Variants in SAMD3 observed in about 807,000 individuals in gnomAD.
SAMD3 encodes the protein sterile alpha motif domain-containing protein 3.
Under a neutral mutation model 58.5 loss-of-function variants are expected in SAMD3, and 63 were observed. That is an observed-to-expected ratio of 1.08 (90% confidence interval 0.88 to 1.33). The LOEUF (loss-of-function observed/expected upper bound fraction) is 1.33. SAMD3 is among the 40% of genes most tolerant of loss of function. The pLI is 0.00. For synonymous variants in SAMD3, 220 were observed against 210.3 expected (o/e 1.05, Z -0.40); for missense variants, 604 against 608.4 (o/e 0.99, Z 0.08).
rs539497113 is a variant in SAMD3 at position 130,157,318 on chromosome 6, A to G, written c.823-2293T>C. On this transcript the variant is annotated intron_variant, in intron 8 of 11. Coordinates refer to ENST00000439090, the MANE Select transcript of SAMD3 (RefSeq NM_001017373.4). ...AGAAATTTTCAAAACCTATAAAGTT[A>G]TATACCAAAAACCTAGAGCTAACAT... is the stretch of plus-strand genomic sequence containing the variant. Among the ~76,000 whole-genome samples, 300 of 147,712 alleles carry G rather than the reference A, an allele frequency of 2.0e-3. 2 individuals are homozygous for G. The highest frequency in any genetic ancestry group is 7.2e-3 in the African/African-American group (287 of 40,104).
At chr6:130,333,908 G>A (rs1562527258) in intron 1 of SAMD3, among the ~76,000 whole-genome samples, 1 of 152,170 alleles carries the variant, frequency 6.6e-6, no homozygotes, top group African/African-American at 2.4e-5. Flanking sequence ...CAGTTTCTCT[G>A]GACTCAGAGG....
intron 1 of SAMD3, among the ~76,000 whole-genome samples, chr6:130,350,890 G>A (rs915598665): frequency 2.0e-5 from 3 of 152,064 alleles, no homozygotes; most frequent in Non-Finnish European, 2.9e-5. Context: ...ATAGACCAAT[G>A]GAACAGAACA....
At position 130,162,289 on chromosome 6, in the gene SAMD3, AAGG is replaced by A; in HGVS notation, c.823-7267_823-7265del. The stretch of plus-strand genomic sequence containing the variant: ...TTAAGCTGACAGCTGGAGCAGAAAT[AAGG>A]AGGAGAATATTTCTAAGTTTGATTT... On this transcript the variant is annotated intron_variant, in intron 8 of 11. Transcript: ENST00000439090. The A allele has an allele frequency of 4.3e-6, 3 of 701,684 alleles. 1 individual carries two copies. The South Asian group carries it at 4.4e-5, about 10-fold the overall frequency. 43.5% of individuals were successfully genotyped at this position (701,684 alleles called of 1,614,324 possible). A position where few individuals can be genotyped will look rare whatever the true frequency, so the allele number is the denominator to read the frequency against.
At chr6:130,357,905 T>C (rs951504003) in intron 1 of SAMD3, among the ~76,000 whole-genome samples, 1 of 152,210 alleles carries the variant, frequency 6.6e-6, no homozygotes, top group African/African-American at 2.4e-5. Flanking sequence ...AAGTAAGTAA[T>C]GAGGACATTA....
intron 2 of SAMD3, among the ~76,000 whole-genome samples, chr6:130,274,752 C>CTTTTT (rs202123647): frequency 0.046 from 6,676 of 145,140 alleles, 374 homozygotes; most frequent in African/African-American, 0.13. Context: ...GCCTAAATAT[C>CTTTTT]TTTTTTTTTT....
At chr6:130,303,609 AT>A (rs1775821414) in intron 2 of SAMD3, among the ~76,000 whole-genome samples, 1 of 152,206 alleles carries the variant, frequency 6.6e-6, no homozygotes, top group Non-Finnish European at 1.5e-5. Flanking sequence ...TAAAATCCAC[AT>A]ACCATTCATC....
chr6:130,276,966 G>C (rs750290557), intron 2 of SAMD3, among the ~76,000 whole-genome samples: 5 of 152,138 alleles, frequency 3.3e-5, no homozygotes, highest in Non-Finnish European at 7.4e-5. Flanking sequence ...GGTCCAAGTA[G>C]AGCCAGTTGG....
intron 1 of SAMD3, among the ~76,000 whole-genome samples, chr6:130,330,323 A>G (rs554537186): frequency 1.9e-3 from 283 of 152,352 alleles, no homozygotes; most frequent in Middle Eastern, 3.4e-3. Flanking sequence ...CCTGGGATGC[A>G]GTTAAAATGG....
intron 1 of SAMD3, among the ~76,000 whole-genome samples, chr6:130,335,031 T>C (rs1008421171): frequency 6.6e-6 from 1 of 152,226 alleles, no homozygotes; most frequent in African/African-American, 2.4e-5. Context: ...CCTTTGTCTC[T>C]GAGCTGCAGG....
At chr6:130,236,435 G>A (rs1489553322) in intron 2 of SAMD3, among the ~76,000 whole-genome samples, 1 of 150,778 alleles carries the variant, frequency 6.6e-6, no homozygotes, top group African/African-American at 2.5e-5. Flanking sequence ...TTAGGCTGGA[G>A]TGCAATGGCG....
chr6:130,358,776 G>A (rs919339307), intron 1 of SAMD3, among the ~76,000 whole-genome samples: 1 of 150,442 alleles, frequency 6.6e-6, no homozygotes, highest in Non-Finnish European at 1.5e-5. Context: ...AACAAAGATG[G>A]GATCACACTA....
At chr6:130,273,663 T>C (rs1774660050) in intron 2 of SAMD3, among the ~76,000 whole-genome samples, 1 of 152,034 alleles carries the variant, frequency 6.6e-6, no homozygotes, top group South Asian at 2.1e-4. Context: ...ATCTTCTGTA[T>C]GTATTTTTGT....
chr6:130,241,206 CTTTT>C (rs57573903), intron 2 of SAMD3, among the ~76,000 whole-genome samples: 6 of 109,252 alleles, frequency 5.5e-5, no homozygotes, highest in African/African-American at 1.3e-4. Context: ...CTTAAACCTC[CTTTT>C]TTTTTTTTTT....
intron 2 of SAMD3, chr6:130,215,938 T>C: frequency 9.3e-7 from 1 of 1,070,578 alleles, no homozygotes; most frequent in South Asian, 1.5e-5. Context: ...TATTCTTACA[T>C]ACCCCTCTGA....
At chr6:130,185,944 A>C (rs1458375031) in intron 5 of SAMD3, among the ~76,000 whole-genome samples, 2 of 152,138 alleles carry the variant, frequency 1.3e-5, no homozygotes, top group African/African-American at 4.8e-5. Flanking sequence ...TGTTCACTTT[A>C]AATGGGTGAA....
At chr6:130,237,710 A>G (rs1582990427) in intron 2 of SAMD3, among the ~76,000 whole-genome samples, 1 of 152,306 alleles carries the variant, frequency 6.6e-6, no homozygotes, top group African/African-American at 2.4e-5. Context: ...TGAATACATT[A>G]CCAACTCAAA....
At chr6:130,197,523 C>T (rs11154530) in intron 5 of SAMD3, among the ~76,000 whole-genome samples, 32,305 of 152,048 alleles carry the variant, frequency 0.21, 4,220 homozygotes, top group East Asian at 0.44. Flanking sequence ...CTATTTTTCT[C>T]CTTCTCTCAT....
At chr6:130,290,518 A>G (rs1775329201) in intron 2 of SAMD3, among the ~76,000 whole-genome samples, 1 of 152,228 alleles carries the variant, frequency 6.6e-6, no homozygotes, top group South Asian at 2.1e-4. Context: ...AGTCTAGTAT[A>G]TACTAAACAA....
At chr6:130,263,134 TA>T (rs1349082295) in intron 2 of SAMD3, among the ~76,000 whole-genome samples, 6 of 152,318 alleles carry the variant, frequency 3.9e-5, no homozygotes, top group Non-Finnish European at 8.8e-5. Flanking sequence ...TTGTTAAATG[TA>T]AAATGGTATT....
Sources: gnomAD v4.1 joint callset for allele counts (sites outside exome capture counted in the v4.1 genomes callset) on GRCh38, gnomAD v4.1.1 for gene constraint, MANE v1.5 for transcripts, NCBI Gene and HGNC (gene_info 2026-07-23, HGNC 2026-07-21) for gene names.